CCDC7: variants seen among roughly 807,000 people sequenced by gnomAD.
CCDC7 encodes coiled-coil domain containing 7, also known as coiled-coil domain-containing protein 7.
In CCDC7, 183 loss-of-function variants were observed where a neutral mutation model predicts 196.9. That is an observed-to-expected ratio of 0.93 (90% confidence interval 0.82 to 1.05). The LOEUF is 1.05. Ranked by LOEUF, CCDC7 falls within the 50% of genes least tolerant of loss-of-function variation. The pLI is 0.00. For missense variants in CCDC7, 1,540 were observed against 1,482.2 expected, an observed-to-expected ratio of 1.04 and a Z score of -0.64; for synonymous variants, 525 against 484.6, an observed-to-expected ratio of 1.08 and a Z score of -1.10.
At chr10:32,505,839 AT>A (rs2044892223) in intron 9 of CCDC7, among the ~76,000 whole-genome samples, 1 of 110,056 alleles carries the variant, frequency 9.1e-6, no homozygotes, top group African/African-American at 3.4e-5. Flanking sequence ...TTCCCAGATG[AT>A]GGGTGGGCGG....
chr10:32,563,280 A>G (rs1186204392), intron 13 of CCDC7, among the ~76,000 whole-genome samples: 2 of 152,176 alleles, frequency 1.3e-5, no homozygotes, highest in Non-Finnish European at 2.9e-5. Context: ...GACTTTCTTC[A>G]CAGAATTGGA....
intron 24 of CCDC7, among the ~76,000 whole-genome samples, chr10:32,708,244 G>C (rs2080158367): frequency 6.6e-6 from 1 of 152,174 alleles, no homozygotes; most frequent in Admixed American, 6.5e-5. Context: ...TTTAATAAAT[G>C]GTGCTAGGAA....
intron 24 of CCDC7, among the ~76,000 whole-genome samples, chr10:32,697,194 C>A (rs774771801): frequency 6.6e-6 from 1 of 152,112 alleles, no homozygotes; most frequent in Non-Finnish European, 1.5e-5. Context: ...TCATAAAGAA[C>A]GCACAACCTG....
At chr10:32,810,621 T>C (rs565120620) in intron 30 of CCDC7, among the ~76,000 whole-genome samples, 2 of 151,938 alleles carry the variant, frequency 1.3e-5, no homozygotes, top group African/African-American at 2.4e-5. Context: ...AGACAGAAAA[T>C]CAACGAAGAA....
intron 9 of CCDC7, 66 bp downstream of exon 10, chr10:32,492,063 T>C: frequency 6.9e-7 from 1 of 1,443,366 alleles, no homozygotes; most frequent in South Asian, 1.5e-5. Context: ...TAAAATTGTA[T>C]TTTTCCATAT....
chr10:32,462,672 T>C lies in CCDC7; in HGVS notation c.457-11T>C. 3.5e-6 allele frequency: 5 copies of C among 1,430,694 alleles called. No individual in the cohort carries two copies. Among genetic ancestry groups the C allele is most frequent in the Non-Finnish European group, 4.8e-6 (5 of 1,050,534 alleles). The allele number at this position is 1,430,694 out of a possible 1,614,324, so 88.6% of individuals were successfully genotyped here. On this transcript the variant is annotated splice_polypyrimidine_tract_variant and intron_variant, in intron 3 of 41. Coordinates refer to ENST00000639629, the Ensembl canonical transcript of CCDC7. ...AATTTTAAATGTGTTAATTAAAACTTTATTTTTCAGATTTTGGAATCTCTT... is the reference window on the plus strand; with the variant it reads ...AATTTTAAATGTGTTAATTAAAACTCTATTTTTCAGATTTTGGAATCTCTT...
downstream of CCDC7, chr10:32,876,992 A>T (rs1302677845): frequency 6.6e-6 from 1 of 152,076 alleles, no homozygotes; most frequent in Non-Finnish European, 1.5e-5. Flanking sequence ...ATATTCTTTT[A>T]TGCCTTAAAT....
intron 24 of CCDC7, among the ~76,000 whole-genome samples, chr10:32,709,433 A>T (rs1314123048): frequency 2.6e-5 from 4 of 152,170 alleles, no homozygotes; most frequent in African/African-American, 9.7e-5. Flanking sequence ...ATAATCCTGC[A>T]CGTTATGCAC....
chr10:32,579,484 C>A (rs1454424391), intron 16 of CCDC7, among the ~76,000 whole-genome samples: 3 of 152,010 alleles, frequency 2.0e-5, no homozygotes, highest in Admixed American at 6.6e-5. Context: ...ATTATATAAT[C>A]TGAGAAAGAA....
chr10:32,607,316 C>A (rs1388550949), intron 18 of CCDC7, among the ~76,000 whole-genome samples: 1 of 152,130 alleles, frequency 6.6e-6, no homozygotes, highest in Non-Finnish European at 1.5e-5. Flanking sequence ...TTAGGTATTT[C>A]TTTATAGCAA....
At chr10:32,516,495 C>T (rs1318480164) in intron 9 of CCDC7, among the ~76,000 whole-genome samples, 1 of 152,080 alleles carries the variant, frequency 6.6e-6, no homozygotes, top group African/African-American at 2.4e-5. Flanking sequence ...ACCATGTTGG[C>T]CAGGCTGGTC....
intron 7 of CCDC7, among the ~76,000 whole-genome samples, chr10:32,473,689 T>C (rs547600987): frequency 2.6e-5 from 4 of 152,164 alleles, no homozygotes; most frequent in African/African-American, 9.6e-5. Flanking sequence ...GAAGGAAGAC[T>C]AGATAATGAT....
intron 5 of CCDC7, among the ~76,000 whole-genome samples, chr10:32,470,496 A>G (rs1022474958): frequency 1.3e-5 from 2 of 152,094 alleles, no homozygotes; most frequent in African/African-American, 2.4e-5. Flanking sequence ...TGGTCATCTT[A>G]TTCTGTGAAT....
chr10:32,828,395 AAGAAGAAGG>A (rs1037896266), intron 32 of CCDC7, among the ~76,000 whole-genome samples: 4 of 133,012 alleles, frequency 3.0e-5, no homozygotes, highest in South Asian at 5.6e-4. Flanking sequence ...TTTAAAAAAG[AAGAAGAAGG>A]AGAAGGAGAA....
downstream of CCDC7, chr10:32,877,009 A>G (rs1023746828): frequency 1.3e-5 from 2 of 151,952 alleles, no homozygotes; most frequent in African/African-American, 2.4e-5. Flanking sequence ...AAATTTTCCT[A>G]TTTTTCCCCA....
chr10:32,563,834 A>C (rs2056255214), intron 13 of CCDC7, among the ~76,000 whole-genome samples: 1 of 151,820 alleles, frequency 6.6e-6, no homozygotes, highest in South Asian at 2.1e-4. Flanking sequence ...TCTGCACAGC[A>C]AAAGAAACTA....
At chr10:32,821,869 G>A (rs1565613259) in intron 31 of CCDC7, among the ~76,000 whole-genome samples, 1 of 152,074 alleles carries the variant, frequency 6.6e-6, no homozygotes, top group Admixed American at 6.6e-5. Flanking sequence ...TAAATGATGA[G>A]TTAATGGGTG....
chr10:32,593,245 C>T (rs923578602), intron 18 of CCDC7, among the ~76,000 whole-genome samples: 1 of 152,190 alleles, frequency 6.6e-6, no homozygotes, highest in African/African-American at 2.4e-5. Context: ...GCCATTCTAA[C>T]TGGTGTGAGA....
At chr10:32,812,268 C>T (rs1195285618) in intron 30 of CCDC7, among the ~76,000 whole-genome samples, 2 of 151,860 alleles carry the variant, frequency 1.3e-5, no homozygotes, top group Non-Finnish European at 2.9e-5. Flanking sequence ...TCTGAAACCA[C>T]AGGAACAAAT....
Sources: allele counts gnomAD v4.1 joint callset (sites outside exome capture counted in the v4.1 genomes callset), GRCh38; gene constraint gnomAD v4.1.1; transcripts MANE v1.5; gene names NCBI Gene and HGNC (gene_info 2026-07-23, HGNC 2026-07-21).